ZDHHC1: variants seen among roughly 807,000 people sequenced by gnomAD.
The protein encoded by ZDHHC1 is zDHHC palmitoyltransferase 1, also known as palmitoyltransferase ZDHHC1.
In ZDHHC1, 45 loss-of-function variants were observed where a neutral mutation model predicts 46.9. The observed-to-expected ratio is 0.96, with a 90% CI of 0.76 to 1.23. The LOEUF is 1.23. ZDHHC1 is among the 50% of genes most tolerant of loss of function. The probability of loss-of-function intolerance (pLI) is 0.00; values close to 1 mark genes in which losing one functional copy is unlikely to be tolerated. For missense variants in ZDHHC1, 649 were observed against 670.8 expected (o/e 0.97, Z 0.36); for synonymous variants, 291 against 286.0 (o/e 1.02, Z -0.18).
At position 67,404,326 on chromosome 16, in the gene ZDHHC1, G is replaced by A. The variant is rs564692056; in HGVS notation, c.252+1874C>T. On this transcript the variant is annotated intron_variant, in intron 3 of 11. Coordinates refer to ENST00000565726, the MANE Select transcript of ZDHHC1 (RefSeq NM_001323627.2). ...CAGTCTGCTGCACTTACCATGTGGC[G>A]TGATCACCACGTGGCGTGCACCAGC... 2.1e-5 allele frequency: 4 copies of A among 194,404 alleles called. No individual in the cohort carries two copies. In the South Asian group the frequency reaches 3.1e-4, roughly 15 times the overall value. The allele number at this position is 194,404 out of a possible 1,614,324, so 12.0% of individuals were successfully genotyped here.
intron 1 of ZDHHC1, among the ~76,000 whole-genome samples, chr16:67,413,055 G>A (rs910138708): frequency 5.3e-5 from 8 of 151,404 alleles, no homozygotes; most frequent in South Asian, 2.1e-4. Flanking sequence ...CACCCGCCTC[G>A]GCCTCCTAGC....
At position 67,398,301 on chromosome 16, in the gene ZDHHC1, C is replaced by T; in HGVS notation, c.838G>A (p.Glu280Lys). The T allele has an allele frequency of 1.2e-6, 2 of 1,613,908 alleles. No homozygotes were observed. The highest frequency in any genetic ancestry group is 1.7e-6 in the Non-Finnish European group (2 of 1,179,904). The change falls in exon 8 of 12, where the codon GAG becomes AAG. Residue 280 changes from glutamate to lysine, a missense_variant. Glu to Lys is a moderately conservative substitution (Grantham distance 56). Coordinates refer to ENST00000565726, the MANE Select transcript of ZDHHC1 (RefSeq NM_001323627.2). Reference sequence around the variant, plus strand: ...GGTGGGCGGTGCTGCACGATGTACTCATAGGTGGTGAGCTTGTGCCACACT... The same window carrying T: ...GGTGGGCGGTGCTGCACGATGTACTTATAGGTGGTGAGCTTGTGCCACACT... ...YLMWHKLTTY[E>K]YIVQHRPPQE...
Position 67,406,409 on chromosome 16 carries a change from C to A in ZDHHC1, c.43G>T (p.Ala15Ser). ...NICNKPSNKT[A>S]PEKSVWTAPA... ...GCCGTCCACACACTCTTCTCAGGGG[C>A]CGTCTTGTTGGAGGGCTTGTTGCAG... The change falls in exon 3 of 12, where the codon GCC (alanine) becomes TCC (serine). Residue 15 changes from alanine to serine, a missense_variant. Physicochemically the swap from Ala to Ser is moderately conservative, Grantham distance 99. Coordinates refer to ENST00000565726, the MANE Select transcript of ZDHHC1 (RefSeq NM_001323627.2). The surrounding 1 kb of genome is among the most constrained non-coding windows in gnomAD (Gnocchi z 4.1). The A allele has an allele frequency of 6.4e-7, 1 of 1,563,810 alleles. No individual in the cohort carries two copies.
chr16:67,413,794 C>A (rs2040789077), intron 1 of ZDHHC1, among the ~76,000 whole-genome samples: 1 of 152,038 alleles, frequency 6.6e-6, no homozygotes, highest in African/African-American at 2.4e-5. Flanking sequence ...CAAAAATTAG[C>A]CAGGCATGGA....
chr16:67,410,445 G>A (rs1454268405), intron 1 of ZDHHC1, among the ~76,000 whole-genome samples: 4 of 152,146 alleles, frequency 2.6e-5, no homozygotes, highest in African/African-American at 9.7e-5. Context: ...GGGAAGACAG[G>A]AAGGAGGGTG....
At chr16:67,398,169 A>C (rs767639129) in intron 8 of ZDHHC1, 43 bp downstream of exon 8, 9 of 1,578,422 alleles carry the variant, frequency 5.7e-6, no homozygotes, top group Middle Eastern at 1.9e-4. Context: ...ACAGCCCAAC[A>C]CCCCCCACAC....
intron 8 of ZDHHC1, chr16:67,395,782 T>C: frequency 1.7e-6 from 1 of 576,782 alleles, no homozygotes. Flanking sequence ...TTACCTCATC[T>C]ATTCAGCCTC....
Position 67,406,381 on chromosome 16 carries a change from G to T in ZDHHC1, c.71C>A (p.Pro24Gln). The T allele has an allele frequency of 6.3e-7, 1 of 1,579,234 alleles. No homozygotes were observed. Among genetic ancestry groups the T allele is most frequent in the East Asian group, 2.3e-5 (1 of 43,582 alleles). Residue 24 changes from proline to glutamine, a missense_variant, in exon 3 of 12, where the codon CCG (proline) becomes CAG (glutamine). Pro to Gln is a moderately conservative substitution (Grantham distance 76). Transcript: ENST00000565726. This position sits in a 1 kb window ranked among gnomAD's most constrained non-coding sequence, Gnocchi z 4.1. ...TAPEKSVWTAPAQPSGPSPEL... is the reference protein window; with the variant it reads ...TAPEKSVWTAQAQPSGPSPEL... ...AGGGGAGGGTCCGCTGGGCTGTGCC[G>T]GTGCCGTCCACACACTCTTCTCAGG...
chr16:67,401,970 T>C lies in ZDHHC1; in HGVS notation c.253-838A>G, dbSNP rs2040560409. ...GGTCCTCTTGCTAGCCAGGCAGACA[T>C]CATCCCTCCATCATTCATGCTCTAC... On this transcript the variant is annotated intron_variant, in intron 3 of 11. Coordinates refer to ENST00000565726, the MANE Select transcript of ZDHHC1 (RefSeq NM_001323627.2). This position sits in a 1 kb window ranked among gnomAD's most constrained non-coding sequence, Gnocchi z 4.6. Among the ~76,000 whole-genome samples the C allele has an allele frequency of 1.3e-5, 2 of 152,060 alleles. No homozygotes were observed. Among genetic ancestry groups the C allele is most frequent in the Non-Finnish European group, 2.9e-5 (2 of 67,972 alleles).
chr16:67,395,015 C>T lies in ZDHHC1; in HGVS notation c.1152G>A (p.Ser384=). The T allele has an allele frequency of 1.9e-6, 3 of 1,611,324 alleles. No individual in the cohort carries two copies. Among genetic ancestry groups the T allele is most frequent in the Non-Finnish European group, 2.5e-6 (3 of 1,178,912 alleles). Residue 384 remains serine (S), a synonymous_variant, in exon 11 of 12, where the codon TCG becomes TCA. Coordinates refer to ENST00000565726, the MANE Select transcript of ZDHHC1 (RefSeq NM_001323627.2). ...RVYKVRTSET[S]DPASGPRAPS... ...AGAGGCGCTCACCCGACGCCGGATC[C>T]GAGGTCTCAGACGTTCGCACTTTAT...
Position 67,398,271 on chromosome 16 carries a change from C to T in ZDHHC1, c.868G>A (p.Glu290Lys), listed in dbSNP as rs1043869135. 1.2e-6 allele frequency: 2 copies of T among 1,614,122 alleles called. No individual in the cohort carries two copies. The highest frequency in any genetic ancestry group is 1.7e-6 in the Non-Finnish European group (2 of 1,180,004). Residue 290 changes from glutamate to lysine, a missense_variant, in exon 8 of 12, where the codon GAG becomes AAG. Transcript: ENST00000565726. ...AGCTCCCTGTGAACCCCCTTGGCCT[C>T]CTGTGGTGGGCGGTGCTGCACGATG... Reference protein sequence around the residue: ...EYIVQHRPPQEAKGVHRELES... With the variant: ...EYIVQHRPPQKAKGVHRELES...
At chr16:67,408,999 G>C (rs183828272) in intron 1 of ZDHHC1, among the ~76,000 whole-genome samples, 7 of 152,240 alleles carry the variant, frequency 4.6e-5, no homozygotes, top group African/African-American at 1.7e-4. Flanking sequence ...CCTAAATTCT[G>C]GCTCTCCTTT....
intron 2 of ZDHHC1, 123 bp downstream of exon 2, chr16:67,407,644 C>T (rs557635685): frequency 3.6e-5 from 26 of 724,972 alleles, no homozygotes; most frequent in Middle Eastern, 5.8e-4. Flanking sequence ...CCATTTGGGA[C>T]GCTTTGCAAT....
chr16:67,399,441 C>T lies in ZDHHC1; in HGVS notation c.444G>A (p.Lys148=), dbSNP rs1378268651. 1 of 1,612,438 alleles carries T rather than the reference C, an allele frequency of 6.2e-7. No individual in the cohort carries two copies. ...CGCACTTGTTGCAGGCGCTGCAGTG[C>T]TTGGAGCGAGCGCTCCTGCAGGGAG... ...LCNVDVSARS[K]HCSACNKCVC... Residue 148 remains lysine, a synonymous_variant, in exon 5 of 12, where the codon AAG becomes AAA. Coordinates refer to ENST00000565726, the MANE Select transcript of ZDHHC1 (RefSeq NM_001323627.2).
rs757745354 is a variant in ZDHHC1, at chr16:67,398,764, G to A, written c.656-33C>T. ...GCACAGGCAGTGTGTGCTCAGCCGG[G>A]GACGTGACGGGTGACCAGGGTTGGG... On this transcript the variant is annotated intron_variant, in intron 6 of 11. Transcript: ENST00000565726. 41 of 1,611,642 alleles carry A rather than the reference G, an allele frequency of 2.5e-5. No homozygotes were observed. The Admixed American group carries it at 6.0e-4, about 24-fold the overall frequency.
Position 67,394,532 on chromosome 16 carries a change from T to G in ZDHHC1, c.*78A>C. 2 of 1,114,650 alleles carry G rather than the reference T, an allele frequency of 1.8e-6. No individual in the cohort carries two copies. Among genetic ancestry groups the G allele is most frequent in the Non-Finnish European group, 2.2e-6 (2 of 912,474 alleles). The allele number at this position is 1,114,650 out of a possible 1,614,324, so 69.0% of individuals were successfully genotyped here. A position where few individuals can be genotyped will look rare whatever the true frequency, so the allele number is the denominator to read the frequency against. On this transcript the variant is annotated 3_prime_UTR_variant, in exon 12 of 12. Coordinates refer to ENST00000565726, the MANE Select transcript of ZDHHC1 (RefSeq NM_001323627.2). The stretch of plus-strand genomic sequence containing the variant: ...GGCCGTAGGGGCCCCTAAAGTGCAC[T>G]CGGTGCGGCAAGGATGGGGTGTTGC...
chr16:67,414,371 C>T (rs1567524518), intron 1 of ZDHHC1, among the ~76,000 whole-genome samples: 1 of 152,358 alleles, frequency 6.6e-6, no homozygotes, highest in South Asian at 2.1e-4. Flanking sequence ...CAGTGAACCA[C>T]CAGTTCCACA....
At chr16:67,404,501 T>C (rs1172711211) in intron 3 of ZDHHC1, 1 of 328,274 alleles carries the variant, frequency 3.0e-6, no homozygotes, top group Non-Finnish European at 6.1e-6. Context: ...AAAGAAGGCT[T>C]TGATGGAAGG....
chr16:67,412,147 A>T (rs1245494346), intron 1 of ZDHHC1, among the ~76,000 whole-genome samples: 1 of 152,030 alleles, frequency 6.6e-6, no homozygotes, highest in African/African-American at 2.4e-5. Flanking sequence ...GGGGATGGAT[A>T]GATATCTACA....
Sources: allele counts gnomAD v4.1 joint callset (sites outside exome capture counted in the v4.1 genomes callset), GRCh38; gene constraint gnomAD v4.1.1; non-coding constraint Gnocchi (gnomAD v3.1); transcripts MANE v1.5; gene names NCBI Gene and HGNC (gene_info 2026-07-23, HGNC 2026-07-21).